SPINK8: variants seen among roughly 807,000 people sequenced by gnomAD.
The protein encoded by SPINK8 is serine peptidase inhibitor Kazal type 8 (putative).
Under a neutral mutation model 14.4 loss-of-function variants are expected in SPINK8, and 12 were observed. The observed-to-expected ratio is 0.83, with a 90% CI of 0.53 to 1.35. The LOEUF (loss-of-function observed/expected upper bound fraction) is 1.35, where lower values mean the gene tolerates loss of function less well. SPINK8 is among the 40% of genes most tolerant of loss of function. The probability of loss-of-function intolerance (pLI) is 0.00; values close to 1 mark genes in which losing one functional copy is unlikely to be tolerated. For missense variants in SPINK8, 103 were observed against 117.0 expected, an observed-to-expected ratio of 0.88 and a Z score of 0.55; for synonymous variants, 32 against 37.6, an observed-to-expected ratio of 0.85 and a Z score of 0.55.
intron 7 of SPINK8, 56 bp downstream of exon 7, chr3:48,309,848 C>T: frequency 7.0e-7 from 1 of 1,424,094 alleles, no homozygotes; most frequent in Non-Finnish European, 9.2e-7. Flanking sequence ...AAACAGTGAG[C>T]TCTTAACTTA....
At chr3:48,330,865 C>A (rs1387101098) in intron 2 of SPINK8, among the ~76,000 whole-genome samples, 5 of 118,518 alleles carry the variant, frequency 4.2e-5, no homozygotes, top group African/African-American at 1.1e-4. Context: ...CCGCTCTCAA[C>A]AGGAAAACCC....
chr3:48,318,474 C>T, intron 6 of SPINK8, among the ~76,000 whole-genome samples: 1 of 152,206 alleles, frequency 6.6e-6, no homozygotes, highest in Non-Finnish European at 1.5e-5. Flanking sequence ...AAAGGGAGCT[C>T]TTTAGAGGCC....
intron 7 of SPINK8, among the ~76,000 whole-genome samples, chr3:48,307,912 G>T (rs2035870644): frequency 6.8e-6 from 1 of 146,808 alleles, no homozygotes; most frequent in Non-Finnish European, 1.5e-5. Context: ...AGTGGTACTA[G>T]CTCTAGATCA....
chr3:48,324,837 A>C (rs2036118494), intron 4 of SPINK8, among the ~76,000 whole-genome samples: 1 of 152,000 alleles, frequency 6.6e-6, no homozygotes, highest in Non-Finnish European at 1.5e-5. Flanking sequence ...CTAGTCTTCT[A>C]TTTCCTTATT....
chr3:48,315,669 C>T (rs1271234430), intron 6 of SPINK8, among the ~76,000 whole-genome samples: 9 of 133,750 alleles, frequency 6.7e-5, no homozygotes, highest in East Asian at 2.2e-4. Context: ...TGCAGTGAGC[C>T]GAGATCATGC....
In SPINK8 at chr3:48,319,481, C is replaced by A; in HGVS notation, c.239+16G>T. ...CTCTTGACTTGAAAGAAAGGGAGAA[C>A]AAAATTAGGACTTACAGAATTTTGG... On this transcript the variant is annotated intron_variant, in intron 6 of 7. Coordinates refer to ENST00000434006, the MANE Select transcript of SPINK8 (RefSeq NM_001080525.3). 6.2e-7 allele frequency: 1 copy of A among 1,613,744 alleles called. No individual in the cohort carries two copies. Among genetic ancestry groups the A allele is most frequent in the Non-Finnish European group, 8.5e-7 (1 of 1,179,734 alleles).
chr3:48,314,335 TAA>T (rs1281459634), intron 6 of SPINK8, among the ~76,000 whole-genome samples: 6 of 144,590 alleles, frequency 4.1e-5, no homozygotes, highest in African/African-American at 1.5e-4. Context: ...TTCTGGGAAT[TAA>T]AAAAAAAAAA....
chr3:48,327,972 AT>A (rs756101392), intron 4 of SPINK8, among the ~76,000 whole-genome samples: 1 of 152,186 alleles, frequency 6.6e-6, no homozygotes, highest in Non-Finnish European at 1.5e-5. Flanking sequence ...TCTTTTTTTG[AT>A]TTGAGATATG....
intron 6 of SPINK8, among the ~76,000 whole-genome samples, chr3:48,313,672 A>G (rs1402794484): frequency 1.3e-5 from 2 of 152,234 alleles, no homozygotes; most frequent in East Asian, 1.9e-4. Flanking sequence ...ACAAATGTCT[A>G]TAAGAGCACT....
chr3:48,327,459 C>G (rs1427703527), intron 4 of SPINK8, among the ~76,000 whole-genome samples: 1 of 152,136 alleles, frequency 6.6e-6, no homozygotes, highest in Non-Finnish European at 1.5e-5. Flanking sequence ...ATGGAGTGGT[C>G]CACTTTGGTT....
chr3:48,322,032 T>C (rs1379363365), intron 4 of SPINK8, among the ~76,000 whole-genome samples: 1 of 151,988 alleles, frequency 6.6e-6, no homozygotes, highest in African/African-American at 2.4e-5. Flanking sequence ...TACAGGCTGG[T>C]CTGGAATTCC....
chr3:48,325,683 C>G (rs1041170604), intron 4 of SPINK8, among the ~76,000 whole-genome samples: 5 of 151,584 alleles, frequency 3.3e-5, no homozygotes, highest in Non-Finnish European at 7.4e-5. Flanking sequence ...ACCTCTGCCT[C>G]CCAGGTTCAA....
intron 7 of SPINK8, among the ~76,000 whole-genome samples, chr3:48,309,534 T>C (rs1264914359): frequency 6.6e-6 from 1 of 152,244 alleles, no homozygotes; most frequent in African/African-American, 2.4e-5. Context: ...GATTTGAATA[T>C]GAAGTATGTA....
At chr3:48,307,455 C>T (rs1399238586) in intron 7 of SPINK8, among the ~76,000 whole-genome samples, 1 of 151,066 alleles carries the variant, frequency 6.6e-6, no homozygotes, top group Non-Finnish European at 1.5e-5. Flanking sequence ...TCCTCTTCCT[C>T]CCTATCCCTC....
At position 48,328,257 on chromosome 3, in the gene SPINK8, C is replaced by A; in HGVS notation, c.67+18G>T. The A allele has an allele frequency of 6.2e-7, 1 of 1,603,594 alleles. No individual in the cohort carries two copies. The highest frequency in any genetic ancestry group is 8.5e-7 in the Non-Finnish European group (1 of 1,174,038). On this transcript the variant is annotated intron_variant, in intron 4 of 7. Transcript: ENST00000434006. ...TTTACTGCAGAAAATGTGGGCAGAGCAAGGACACATAACTCACCAATTGCA... is the reference window on the plus strand; with the variant it reads ...TTTACTGCAGAAAATGTGGGCAGAGAAAGGACACATAACTCACCAATTGCA...
rs773480357 is a variant in SPINK8, at chr3:48,328,285, G to A, written c.57C>T (p.Ala19=). ...GGACACATAACTCACCAATTGCAAAGGCCATCCACATGGAGGTAGCTAGAA... is the reference window on the plus strand; with the variant it reads ...GGACACATAACTCACCAATTGCAAAAGCCATCCACATGGAGGTAGCTAGAA... ...ILVLATSMWM[A]FAIDFPLPMA... is the part of the protein sequence containing the mutation. The change falls in exon 4 of 8, where the codon GCC becomes GCT. Residue 19 remains alanine, a synonymous_variant. Coordinates refer to ENST00000434006, the MANE Select transcript of SPINK8 (RefSeq NM_001080525.3). 2 of 1,610,204 alleles carry A rather than the reference G, an allele frequency of 1.2e-6. No homozygotes were observed. Among genetic ancestry groups the A allele is most frequent in the Admixed American group, 1.7e-5 (1 of 59,540 alleles).
chr3:48,307,012 G>C lies in SPINK8; in HGVS notation c.283-9C>G, dbSNP rs545973678. 95 of 1,612,882 alleles carry C rather than the reference G, an allele frequency of 5.9e-5. No individual in the cohort carries two copies. In the South Asian group the frequency reaches 1.0e-3, roughly 17 times the overall value. On this transcript the variant is annotated splice_polypyrimidine_tract_variant and intron_variant, in intron 7 of 7. Coordinates refer to ENST00000434006, the MANE Select transcript of SPINK8 (RefSeq NM_001080525.3). ...TACGTTCAAGAGTTTTCCTGCAAGA[G>C]AAGTATCTGCTTAGAGAAATCAAAT... is the stretch of plus-strand genomic sequence containing the variant.
chr3:48,327,534 G>A (rs2036162574), intron 4 of SPINK8, among the ~76,000 whole-genome samples: 2 of 152,170 alleles, frequency 1.3e-5, no homozygotes, highest in South Asian at 4.1e-4. Flanking sequence ...AGGCTTGCAG[G>A]GAGGCTGATG....
At chr3:48,310,176 T>G (rs1310522446) in intron 6 of SPINK8, among the ~76,000 whole-genome samples, 1 of 152,176 alleles carries the variant, frequency 6.6e-6, no homozygotes, top group African/African-American at 2.4e-5. Flanking sequence ...AAATAGCCTT[T>G]GAAAATTCAA....
Sources: allele counts gnomAD v4.1 joint callset (sites outside exome capture counted in the v4.1 genomes callset), GRCh38; gene constraint gnomAD v4.1.1; transcripts MANE v1.5; gene names NCBI Gene and HGNC (gene_info 2026-07-23, HGNC 2026-07-21).